TMC2: variants seen among roughly 807,000 people sequenced by gnomAD.
TMC2 encodes the protein transmembrane channel-like protein 2.
Under a neutral mutation model 105.9 loss-of-function variants are expected in TMC2, and 102 were observed. The ratio of observed to expected loss-of-function variants is 0.96; its 90% confidence interval spans 0.82 to 1.14. The LOEUF (loss-of-function observed/expected upper bound fraction) is 1.14, where lower values mean the gene tolerates loss of function less well. TMC2 is among the 50% of genes most tolerant of loss of function. TMC2 has a pLI of 0.00. For missense variants in TMC2, 1,093 were observed against 1,134.3 expected, an observed-to-expected ratio of 0.96 and a Z score of 0.52; for synonymous variants, 402 against 422.8, an observed-to-expected ratio of 0.95 and a Z score of 0.60.
chr20:2,567,152 C>T (rs574313095), intron 4 of TMC2, among the ~76,000 whole-genome samples: 41 of 152,308 alleles, frequency 2.7e-4, no homozygotes, highest in African/African-American at 8.7e-4. Context: ...CCCATGGTTT[C>T]GGTGAGGACC....
intron 3 of TMC2, 129 bp from the exon 4 acceptor site, chr20:2,561,729 G>A (rs1490503078): frequency 1.7e-6 from 2 of 1,203,288 alleles, no homozygotes; most frequent in Non-Finnish European, 2.3e-6. Flanking sequence ...CCAGGCAATG[G>A]GAGTCACTAA....
chr20:2,563,139 A>G (rs977033236), intron 4 of TMC2, among the ~76,000 whole-genome samples: 2 of 152,086 alleles, frequency 1.3e-5, no homozygotes, highest in African/African-American at 2.4e-5. Flanking sequence ...CCTCTCATAC[A>G]TGAGCTTCCT....
At chr20:2,565,010 A>G (rs1353690883) in intron 4 of TMC2, among the ~76,000 whole-genome samples, 1 of 152,174 alleles carries the variant, frequency 6.6e-6, no homozygotes, top group Non-Finnish European at 1.5e-5. Context: ...ACACCTTGTA[A>G]GACTCGGGCC....
chr20:2,552,594 C>T (rs1600097488), intron 2 of TMC2, among the ~76,000 whole-genome samples: 1 of 152,188 alleles, frequency 6.6e-6, no homozygotes, highest in East Asian at 1.9e-4. Flanking sequence ...CGGCTCACTG[C>T]AATGTCCACC....
intron 4 of TMC2, among the ~76,000 whole-genome samples, chr20:2,570,640 GA>G (rs2086096570): frequency 6.8e-6 from 1 of 147,996 alleles, no homozygotes; most frequent in South Asian, 2.1e-4. Flanking sequence ...CACAGAAATA[GA>G]AAAAAAGATT....
chr20:2,611,488 C>T (rs930034663), intron 12 of TMC2, among the ~76,000 whole-genome samples: 1 of 152,206 alleles, frequency 6.6e-6, no homozygotes, highest in African/African-American at 2.4e-5. Context: ...TCTCTCTCCA[C>T]CCCTCTCCTC....
At position 2,571,986 on chromosome 20, in the gene TMC2, T is replaced by C. The variant is rs552039482; in HGVS notation, c.555-193T>C. 6.6e-5 allele frequency among the ~76,000 whole-genome samples: 10 copies of C among 152,340 alleles called. No homozygotes were observed. The South Asian group carries it at 1.9e-3, about 28-fold the overall frequency. On this transcript the variant is annotated intron_variant, in intron 4 of 19. Transcript: ENST00000358864. ...CTGCCTACCATGCCTGTTATGTACC[T>C]CGCACTCTTCTCAGCATTTGGGAAA... is the stretch of plus-strand genomic sequence containing the variant.
At chr20:2,559,224 G>A (rs918250650) in intron 3 of TMC2, among the ~76,000 whole-genome samples, 4 of 152,192 alleles carry the variant, frequency 2.6e-5, no homozygotes, top group African/African-American at 9.7e-5. Context: ...ACCTCGTTCC[G>A]GCTTCCGGAT....
At chr20:2,591,721 A>AAGAAAAG (rs1321613328) in intron 7 of TMC2, among the ~76,000 whole-genome samples, 1 of 152,086 alleles carries the variant, frequency 6.6e-6, no homozygotes, top group African/African-American at 2.4e-5. Flanking sequence ...AAAGAAAGAA[A>AAGAAAAG]AGAAAAGAGA....
At chr20:2,597,037 T>A (rs961898794) in intron 9 of TMC2, 114 bp from the exon 10 acceptor site, 1 of 1,172,560 alleles carries the variant, frequency 8.5e-7, no homozygotes, top group African/African-American at 1.5e-5. Context: ...TGTCACTGAA[T>A]GTCAGCTACC....
Position 2,641,121 on chromosome 20 carries a change from G to T in TMC2, c.2504-13G>T, listed in dbSNP as rs78604454. On this transcript the variant is annotated splice_polypyrimidine_tract_variant and intron_variant, in intron 19 of 19. Transcript: ENST00000358864. ...CTCCCACTTCCTCTTTCTTGTCTTG[G>T]TTCGTTTTCCAGAGACCACTCCTCC... The T allele has an allele frequency of 3.6e-3, 5,798 of 1,612,782 alleles. 180 individuals carry two copies. The African/African-American group carries it at 0.067, about 19-fold the overall frequency.
At chr20:2,573,532 TATTA>T (rs909523942) in intron 5 of TMC2, among the ~76,000 whole-genome samples, 3 of 150,312 alleles carry the variant, frequency 2.0e-5, no homozygotes, top group Admixed American at 6.6e-5. Context: ...GGTACTCTCT[TATTA>T]ATTCTTTTTT....
chr20:2,607,334 A>G (rs1390978542), intron 11 of TMC2, among the ~76,000 whole-genome samples: 1 of 151,932 alleles, frequency 6.6e-6, no homozygotes, highest in East Asian at 1.9e-4. Context: ...AGACCTTCCC[A>G]TTCCTTTATC....
chr20:2,545,787 C>T (rs761516099), intron 2 of TMC2, among the ~76,000 whole-genome samples: 106 of 95,604 alleles, frequency 1.1e-3, no homozygotes, highest in Non-Finnish European at 1.4e-3. Context: ...AAGAAGAAGA[C>T]GAAGATGAAG....
At chr20:2,618,911 C>T (rs1398750332) in intron 16 of TMC2, among the ~76,000 whole-genome samples, 1 of 152,104 alleles carries the variant, frequency 6.6e-6, no homozygotes, top group African/African-American at 2.4e-5. Context: ...ACCACAGAAC[C>T]CTTTCTGCAT....
intron 2 of TMC2, among the ~76,000 whole-genome samples, chr20:2,549,086 A>G (rs1420335621): frequency 1.3e-5 from 2 of 152,072 alleles, no homozygotes; most frequent in East Asian, 3.9e-4. Flanking sequence ...TTGGTTTTGT[A>G]TTTGTTTAGA....
rs57798234 is a variant in TMC2, at chr20:2,596,633, CA to C, written c.1077-501del. On this transcript the variant is annotated intron_variant, in intron 9 of 19. Transcript: ENST00000358864. ...GGACGACAGAGCGAGACTCTGTTAC[CA>C]AAAAAAAAAAAAAAAAGTAGCACAA... Among the ~76,000 whole-genome samples, 344 of 100,364 alleles carry C rather than the reference CA, an allele frequency of 3.4e-3. 2 individuals carry two copies. The East Asian group carries it at 0.048, about 14-fold the overall frequency. The allele number at this position is 100,364 out of a possible 152,430, so 65.8% of individuals were successfully genotyped here.
chr20:2,610,141 G>A (rs768276746), intron 11 of TMC2, among the ~76,000 whole-genome samples: 47 of 152,294 alleles, frequency 3.1e-4, no homozygotes, highest in Non-Finnish European at 6.2e-4. Flanking sequence ...GAGCCATTGC[G>A]CCTGGCCAGA....
chr20:2,568,918 T>A (rs2122850628), intron 4 of TMC2, among the ~76,000 whole-genome samples: 1 of 152,296 alleles, frequency 6.6e-6, no homozygotes, highest in Non-Finnish European at 1.5e-5. Context: ...GTATCAACTG[T>A]CCACACTTGT....
Sources: allele counts gnomAD v4.1 joint callset (sites outside exome capture counted in the v4.1 genomes callset), GRCh38; gene constraint gnomAD v4.1.1; transcripts MANE v1.5; gene names NCBI Gene and HGNC (gene_info 2026-07-23, HGNC 2026-07-21).